Variants in AOPEP observed in about 807,000 individuals in gnomAD.
AOPEP encodes aminopeptidase O.
Under a neutral mutation model 98.1 loss-of-function variants are expected in AOPEP, and 77 were observed. That is an observed-to-expected ratio of 0.78 (90% CI 0.65 to 0.95). The LOEUF (loss-of-function observed/expected upper bound fraction) is 0.95, where lower values mean the gene tolerates loss of function less well. AOPEP is among the 40% of genes least tolerant of loss of function. The pLI is 0.00. For synonymous variants in AOPEP, 346 were observed against 365.3 expected (o/e 0.95, Z 0.60); for missense variants, 1,024 against 1,024.7 (o/e 1.00, Z 0.01).
At chr9:94,761,110 AC>A (rs147138805) in intron 2 of AOPEP, among the ~76,000 whole-genome samples, 5,774 of 151,110 alleles carry the variant, frequency 0.038, 352 homozygotes, top group African/African-American at 0.13. Flanking sequence ...ATGTAACGTG[AC>A]CCCCCCCAAA....
intron 5 of AOPEP, among the ~76,000 whole-genome samples, chr9:94,917,369 G>A (rs76221841): frequency 0.015 from 2,309 of 152,180 alleles, 62 homozygotes; most frequent in African/African-American, 0.053. Context: ...CACAGCTAAC[G>A]CTAAAGCAAA....
At chr9:94,797,703 C>CTT (rs1298082623) in intron 4 of AOPEP, among the ~76,000 whole-genome samples, 30 of 130,082 alleles carry the variant, frequency 2.3e-4, no homozygotes, top group African/African-American at 4.5e-4. Context: ...TCTCTCATAC[C>CTT]TTTTTTTTTT....
intron 4 of AOPEP, among the ~76,000 whole-genome samples, chr9:94,797,582 A>G (rs953533473): frequency 7.9e-5 from 12 of 152,198 alleles, no homozygotes; most frequent in African/African-American, 2.9e-4. Context: ...AGTATAATTA[A>G]CATACAACAA....
chr9:94,979,437 G>T lies in AOPEP; in HGVS notation c.1977+10G>T, dbSNP rs773381412. The stretch of plus-strand genomic sequence containing the variant: ...TTCCGGAATACCAAAGGTAACTCAA[G>T]ATAACCACTTTGGTAGAATCCATGG... On this transcript the variant is annotated intron_variant, in intron 11 of 16. Transcript: ENST00000375315. 8.2e-6 allele frequency: 13 copies of T among 1,577,868 alleles called. No homozygotes were observed. Among genetic ancestry groups the T allele is most frequent in the Non-Finnish European group, 1.1e-5 (13 of 1,152,230 alleles).
At chr9:95,043,349 C>T (rs554522848) in intron 13 of AOPEP, among the ~76,000 whole-genome samples, 3 of 151,268 alleles carry the variant, frequency 2.0e-5, no homozygotes, top group South Asian at 4.2e-4. Context: ...ATTTGCATTT[C>T]GCTTAAATGA....
intron 5 of AOPEP, among the ~76,000 whole-genome samples, chr9:94,895,361 C>A (rs1410403984): frequency 6.8e-6 from 1 of 148,142 alleles, no homozygotes; most frequent in Non-Finnish European, 1.5e-5. Flanking sequence ...GGTCATGCCA[C>A]TGCACTCCAG....
At chr9:95,114,846 A>C in the AOPEP span, 24 of 750,852 alleles carry the variant, frequency 3.2e-5, no homozygotes, top group East Asian at 1.0e-4. Flanking sequence ...TACTGTTCTC[A>C]TGCTTTTCCC....
intron 3 of AOPEP, among the ~76,000 whole-genome samples, chr9:94,788,320 C>G (rs1844893493): frequency 6.6e-6 from 1 of 152,102 alleles, no homozygotes; most frequent in Admixed American, 6.5e-5. Flanking sequence ...CTCATGTGAT[C>G]CTTTTACCTA....
intron 7 of AOPEP, chr9:94,935,182 A>G (rs2056065889): frequency 6.6e-6 from 1 of 151,886 alleles, no homozygotes; most frequent in Non-Finnish European, 1.5e-5. Flanking sequence ...AGTGTGTGGC[A>G]CCTTCCTCCA....
At chr9:95,012,863 A>C (rs1208162839) in intron 13 of AOPEP, among the ~76,000 whole-genome samples, 1 of 151,612 alleles carries the variant, frequency 6.6e-6, no homozygotes, top group Non-Finnish European at 1.5e-5. Context: ...TTATAAACTC[A>C]TACCTGGCTA....
chr9:95,024,598 G>A (rs1213144381), intron 13 of AOPEP, among the ~76,000 whole-genome samples: 3 of 152,226 alleles, frequency 2.0e-5, no homozygotes, highest in Non-Finnish European at 2.9e-5. Context: ...GAGCCTGAGC[G>A]TGTGGCCCCA....
intron 14 of AOPEP, among the ~76,000 whole-genome samples, chr9:95,078,647 T>C (rs1289396946): frequency 6.6e-6 from 1 of 152,242 alleles, no homozygotes; most frequent in African/African-American, 2.4e-5. Context: ...CATCCATATG[T>C]GGCCATCTCG....
intron 1 of AOPEP, among the ~76,000 whole-genome samples, chr9:94,757,745 G>A (rs1837387309): frequency 6.6e-6 from 1 of 152,146 alleles, no homozygotes; most frequent in African/African-American, 2.4e-5. Flanking sequence ...CCTTCTGTGT[G>A]TGTGTGAGCA....
the AOPEP span, chr9:95,101,348 T>C: frequency 6.9e-3 from 2,677 of 385,430 alleles, 60 homozygotes; most frequent in African/African-American, 0.048. Flanking sequence ...TTCTAAGACT[T>C]TGAATTTTTA....
At position 94,800,886 on chromosome 9, in the gene AOPEP, TCTGCGGCTGATCC is replaced by T. The variant is rs767954761; in HGVS notation, c.1251_1263del (p.Arg418LeufsTer45). On this transcript the variant is annotated frameshift_variant, in exon 5 of 17. Coordinates refer to ENST00000375315, the MANE Select transcript of AOPEP (RefSeq NM_001193329.3). LOFTEE classifies it high-confidence loss of function. ...TCACGGGTGCCTGCCAAGAGACCCT[TCTGCGGCTGATCC>T]CTCCTTGCCTCTCAGCAGCACATTC... 5 of 1,614,158 alleles carry T rather than the reference TCTGCGGCTGATCC, an allele frequency of 3.1e-6. No homozygotes were observed. In the East Asian group the frequency reaches 6.7e-5, roughly 22 times the overall value.
chr9:95,007,016 C>T (rs1044840372), intron 13 of AOPEP, among the ~76,000 whole-genome samples: 2 of 151,680 alleles, frequency 1.3e-5, no homozygotes, highest in Non-Finnish European at 2.9e-5. Flanking sequence ...ATTCTTCTGC[C>T]TCAGCCTCCC....
chr9:95,081,900 G>A (rs2069834006), intron 15 of AOPEP, among the ~76,000 whole-genome samples: 1 of 152,142 alleles, frequency 6.6e-6, no homozygotes, highest in African/African-American at 2.4e-5. Flanking sequence ...TGGCACAAGA[G>A]AGTAGACAGA....
At chr9:94,820,914 G>T (rs185913472) in intron 5 of AOPEP, among the ~76,000 whole-genome samples, 1 of 152,286 alleles carries the variant, frequency 6.6e-6, no homozygotes, top group African/African-American at 2.4e-5. Flanking sequence ...GCTTATTTAG[G>T]TCTAAGACCT....
chr9:94,908,003 G>A (rs2051424261), intron 5 of AOPEP, among the ~76,000 whole-genome samples: 1 of 152,150 alleles, frequency 6.6e-6, no homozygotes, highest in African/African-American at 2.4e-5. Flanking sequence ...TCCTGAGAGG[G>A]GAAGTATAAG....
Sources: gnomAD v4.1 joint callset for allele counts (sites outside exome capture counted in the v4.1 genomes callset) on GRCh38, gnomAD v4.1.1 for gene constraint, MANE v1.5 for transcripts, NCBI Gene and HGNC (gene_info 2026-07-23, HGNC 2026-07-21) for gene names.